ADGRV1: variants seen among roughly 807,000 people sequenced by gnomAD.
The protein encoded by ADGRV1 is adhesion G protein-coupled receptor V1, also known as G-protein coupled receptor 98.
A neutral mutation model predicts 596.2 loss-of-function variants in ADGRV1; 359 were observed. The ratio of observed to expected loss-of-function variants is 0.60; its 90% CI spans 0.55 to 0.66. The LOEUF is 0.66. ADGRV1 is among the 30% of genes least tolerant of loss of function. The pLI, the probability that ADGRV1 is intolerant of heterozygous loss-of-function variation, is 0.00. For synonymous variants in ADGRV1, 2,681 were observed against 2,679.2 expected, an observed-to-expected ratio of 1.00 and a Z score of -0.02; for missense variants, 7,274 against 7,575.6, an observed-to-expected ratio of 0.96 and a Z score of 1.48.
chr5:90,800,203 A>G (rs1159930753), intron 70 of ADGRV1, among the ~76,000 whole-genome samples: 3 of 152,224 alleles, frequency 2.0e-5, no homozygotes, highest in Admixed American at 1.3e-4. Context: ...AATATCCAGA[A>G]TCTACAAAGA....
At chr5:91,055,995 T>A (rs1006417536) in intron 85 of ADGRV1, among the ~76,000 whole-genome samples, 1 of 152,234 alleles carries the variant, frequency 6.6e-6, no homozygotes, top group Non-Finnish European at 1.5e-5. Flanking sequence ...ATTTTCTGCA[T>A]CCTGCTGGTT....
At chr5:90,843,727 A>ATGT (rs1765629504) in intron 78 of ADGRV1, among the ~76,000 whole-genome samples, 1 of 152,188 alleles carries the variant, frequency 6.6e-6, no homozygotes. Flanking sequence ...AACACAACTA[A>ATGT]TGAGTGTGGG....
chr5:90,587,263 C>A (rs922919521), intron 1 of ADGRV1, among the ~76,000 whole-genome samples: 1 of 152,136 alleles, frequency 6.6e-6, no homozygotes, highest in Non-Finnish European at 1.5e-5. Flanking sequence ...TCAAGATGTT[C>A]AGGTTTATTT....
chr5:90,736,286 A>G (rs796179451), intron 50 of ADGRV1, among the ~76,000 whole-genome samples: 6 of 152,118 alleles, frequency 3.9e-5, no homozygotes, highest in African/African-American at 1.2e-4. Flanking sequence ...CTTGATCTGC[A>G]TATATTGAAC....
intron 87 of ADGRV1, among the ~76,000 whole-genome samples, chr5:91,103,094 A>G (rs1038310360): frequency 2.0e-5 from 3 of 152,214 alleles, no homozygotes; most frequent in Non-Finnish European, 2.9e-5. Context: ...GCAAACACAC[A>G]GACATATACA....
rs72382716 is a variant in ADGRV1 at position 90,638,011 on chromosome 5, AT to A, written c.2240+73del. The A allele has an allele frequency of 0.16, 173,052 of 1,082,758 alleles. 15,355 individuals are homozygous for A. The highest frequency in any genetic ancestry group is 0.39 in the East Asian group (14,967 of 38,400). 67.1% of individuals were successfully genotyped at this position (1,082,758 alleles called of 1,614,324 possible). ...GTTTGAGTTCTCTTCAATAACTTTG[AT>A]TTTTTTTTTACTCTTTTTTTTCTAT... On this transcript the variant is annotated intron_variant, in intron 11 of 89. Coordinates refer to ENST00000405460, the MANE Select transcript of ADGRV1 (RefSeq NM_032119.4).
chr5:90,610,521 GT>G (rs1334429258), intron 1 of ADGRV1, among the ~76,000 whole-genome samples: 1 of 151,940 alleles, frequency 6.6e-6, no homozygotes, highest in Non-Finnish European at 1.5e-5. Context: ...GTCATTACCA[GT>G]TTTGAGGTGG....
intron 70 of ADGRV1, 92 bp from the exon 71 acceptor site, chr5:90,802,647 G>C: frequency 8.6e-7 from 1 of 1,165,134 alleles, no homozygotes; most frequent in Non-Finnish European, 1.2e-6. Context: ...TGCTACTAAA[G>C]CAACCTCAGG....
At chr5:90,774,932 A>T (rs887554550) in intron 60 of ADGRV1, among the ~76,000 whole-genome samples, 2 of 152,200 alleles carry the variant, frequency 1.3e-5, no homozygotes, top group South Asian at 4.1e-4. Context: ...GTTTAGCATT[A>T]TAGCCTATGT....
chr5:90,749,700 G>A (rs983556523), intron 52 of ADGRV1, among the ~76,000 whole-genome samples: 4 of 152,082 alleles, frequency 2.6e-5, no homozygotes, highest in African/African-American at 4.8e-5. Context: ...AAATCCAGGG[G>A]TATTGTAAGA....
At chr5:90,747,069 TGGAGGTTGTATGTGG>T (rs1480822590) in intron 52 of ADGRV1, among the ~76,000 whole-genome samples, 2 of 150,498 alleles carry the variant, frequency 1.3e-5, no homozygotes, top group East Asian at 3.9e-4. Context: ...AGGGAGGGAG[TGGAGGTTGTATGTGG>T]GGAAATCTAA....
chr5:90,652,513 A>C lies in ADGRV1; in HGVS notation c.3584A>C (p.Lys1195Thr). The change falls in exon 19 of 90, where the codon AAA becomes ACA. Residue 1195 changes from lysine (K) to threonine (T), a missense_variant. Lys to Thr is a moderately conservative substitution (Grantham distance 78). Coordinates refer to ENST00000405460, the MANE Select transcript of ADGRV1 (RefSeq NM_032119.4). Reference protein sequence around the residue: ...KPIILHAFPDKIPEFNEFYFL... With the variant: ...KPIILHAFPDTIPEFNEFYFL... Reference sequence around the variant, plus strand: ...ATCATTCTCCATGCTTTTCCAGATAAAATTCCTGAATTCAATGAATTTTAT... The same window carrying C: ...ATCATTCTCCATGCTTTTCCAGATACAATTCCTGAATTCAATGAATTTTAT... The C allele has an allele frequency of 1.2e-6, 2 of 1,613,044 alleles. No homozygotes were observed. The highest frequency in any genetic ancestry group is 1.7e-6 in the Non-Finnish European group (2 of 1,179,350).
Position 90,753,665 on chromosome 5 carries a change from C to T in ADGRV1, c.11213C>T (p.Thr3738Ile). 1 of 1,613,518 alleles carries T rather than the reference C, an allele frequency of 6.2e-7. No homozygotes were observed. Reference sequence around the variant, plus strand: ...GAGTTATCAGAGGTTGTGATTGTAACCCTCACCCGTATCACCACAGAAGGG... The same window carrying T: ...GAGTTATCAGAGGTTGTGATTGTAATCCTCACCCGTATCACCACAGAAGGG... ...IPELSEVVIV[T>I]LTRITTEGVE... The change falls in exon 54 of 90, where the codon ACC (threonine) becomes ATC (isoleucine). Residue 3738 changes from threonine (T) to isoleucine (I), a missense_variant. Around this residue, in one of 5 missense-constraint regions of ADGRV1, gnomAD observed 3,643 missense variants for 3,809.2 expected, o/e 0.96. Coordinates refer to ENST00000405460, the MANE Select transcript of ADGRV1 (RefSeq NM_032119.4).
At chr5:90,822,431 G>C (rs1763649274) in intron 75 of ADGRV1, among the ~76,000 whole-genome samples, 1 of 152,084 alleles carries the variant, frequency 6.6e-6, no homozygotes, top group Admixed American at 6.5e-5. Context: ...CGGCCATCTT[G>C]GCTCCTCCTT....
At chr5:91,129,637 T>TA (rs1251060146) in intron 87 of ADGRV1, among the ~76,000 whole-genome samples, 1 of 152,178 alleles carries the variant, frequency 6.6e-6, no homozygotes, top group Non-Finnish European at 1.5e-5. Flanking sequence ...TACAGAAAAG[T>TA]AAAATTCAAA....
At chr5:90,803,704 A>G (rs1761623395) in intron 71 of ADGRV1, among the ~76,000 whole-genome samples, 1 of 152,206 alleles carries the variant, frequency 6.6e-6, no homozygotes, top group Non-Finnish European at 1.5e-5. Context: ...TACACTGGCT[A>G]TTAAAATAAC....
In ADGRV1 at chr5:90,711,024, T is replaced by C. The variant is rs1749269679; in HGVS notation, c.8868T>C (p.Asp2956=). The change falls in exon 40 of 90, where the codon GAT becomes GAC. Residue 2956 remains aspartate (D), a synonymous_variant. Coordinates refer to ENST00000405460, the MANE Select transcript of ADGRV1 (RefSeq NM_032119.4). ...CACAAGTTATTATTGATGCCAATGA[T>C]GGGGCCCGAGGTGTAATTGAATGGC... ...LTAQVIIDAN[D]GARGVIEWQQ... is the part of the protein sequence containing the mutation. 1.2e-6 allele frequency: 2 copies of C among 1,611,434 alleles called. No individual in the cohort carries two copies. Among genetic ancestry groups the C allele is most frequent in the Non-Finnish European group, 8.5e-7 (1 of 1,178,438 alleles).
At chr5:90,586,538 G>C (rs1463272131) in intron 1 of ADGRV1, among the ~76,000 whole-genome samples, 1 of 152,148 alleles carries the variant, frequency 6.6e-6, no homozygotes, top group East Asian at 1.9e-4. Context: ...GAATTTGTTT[G>C]TTCTCTTTTT....
chr5:90,650,608 C>T (rs982254668), intron 17 of ADGRV1, among the ~76,000 whole-genome samples: 5 of 152,092 alleles, frequency 3.3e-5, no homozygotes, highest in Non-Finnish European at 7.4e-5. Flanking sequence ...ATCAGTTCAG[C>T]AATAAATAAA....
Sources: allele counts gnomAD v4.1 joint callset (sites outside exome capture counted in the v4.1 genomes callset), GRCh38; gene constraint gnomAD v4.1.1; regional missense constraint gnomAD v4.1.1; transcripts MANE v1.5; gene names NCBI Gene and HGNC (gene_info 2026-07-23, HGNC 2026-07-21).